The following FAT3 variants were observed in gnomAD, a reference collection of about 807,000 sequenced individuals.
The protein encoded by FAT3 is FAT atypical cadherin 3.
FAT3 carries 95 observed loss-of-function variants against 310.2 expected under a neutral mutation model. The observed-to-expected ratio is 0.31, with a 90% confidence interval of 0.26 to 0.36. The LOEUF (loss-of-function observed/expected upper bound fraction) is 0.36, where lower values mean the gene tolerates loss of function less well. Among genes scored for constraint, FAT3 ranks in the 10% least tolerant of loss-of-function variants. The pLI, the probability that FAT3 is intolerant of heterozygous loss-of-function variation, is 1.00. For missense variants in FAT3, 5,408 were observed against 5,715.6 expected, an observed-to-expected ratio of 0.95 and a Z score of 1.74; for synonymous variants, 2,314 against 2,192.9, an observed-to-expected ratio of 1.06 and a Z score of -1.54.
intron 1 of FAT3, among the ~76,000 whole-genome samples, chr11:92,287,222 T>A (rs1485348147): frequency 2.6e-5 from 4 of 152,286 alleles, no homozygotes; most frequent in Admixed American, 6.5e-5. Context: ...AGCTTTTTTT[T>A]ATAAAACAAA....
chr11:92,407,419 A>G (rs1283545359), intron 2 of FAT3, among the ~76,000 whole-genome samples: 2 of 152,176 alleles, frequency 1.3e-5, no homozygotes, highest in Admixed American at 6.5e-5. Flanking sequence ...ACAACATAGT[A>G]AGTGTTCTAT....
chr11:92,229,127 A>G (rs1336839999), intron 1 of FAT3, among the ~76,000 whole-genome samples: 1 of 152,216 alleles, frequency 6.6e-6, no homozygotes, highest in African/African-American at 2.4e-5. Flanking sequence ...TCTGATTTCT[A>G]CAGATATGCA....
chr11:92,791,864 C>T (rs1234283318), intron 8 of FAT3, among the ~76,000 whole-genome samples: 1 of 152,084 alleles, frequency 6.6e-6, no homozygotes, highest in African/African-American at 2.4e-5. Flanking sequence ...TTTAAAACTG[C>T]CAAGCAAGGT....
intron 3 of FAT3, among the ~76,000 whole-genome samples, chr11:92,599,830 AG>A (rs1365004898): frequency 1.3e-5 from 2 of 152,220 alleles, no homozygotes; most frequent in Admixed American, 1.3e-4. Context: ...TTAGGAGCTT[AG>A]ACTTCAAAGT....
Position 92,836,572 on chromosome 11 carries a change from G to A in FAT3, c.10093G>A (p.Ala3365Thr). 6.2e-7 allele frequency: 1 copy of A among 1,612,780 alleles called. No individual in the cohort carries two copies. The highest frequency in any genetic ancestry group is 8.5e-7 in the Non-Finnish European group (1 of 1,179,526). Residue 3365 changes from alanine to threonine, a missense_variant, in exon 16 of 28, where the codon GCA becomes ACA. Coordinates refer to ENST00000525166, the MANE Select transcript of FAT3 (RefSeq NM_001367949.2). ...TTGCTTGTTTTCCATGAAGCTAATA[G>A]CAGAAGATGTAGACAGCCAGCCCAA... The part of the protein sequence containing the change: ...LVGDSVILLI[A>T]EDVDSQPNGQ...
At chr11:92,808,794 C>T (rs1456202815) in intron 12 of FAT3, among the ~76,000 whole-genome samples, 5 of 151,956 alleles carry the variant, frequency 3.3e-5, no homozygotes, top group African/African-American at 7.3e-5. Flanking sequence ...GGCATGGTGG[C>T]GGGCACCTGT....
chr11:92,602,077 A>T (rs956070505), intron 3 of FAT3, among the ~76,000 whole-genome samples: 2 of 145,988 alleles, frequency 1.4e-5, no homozygotes, highest in Non-Finnish European at 3.0e-5. Flanking sequence ...ACCTTAATTA[A>T]TTTTTTTTTT....
In FAT3 at chr11:92,352,143, A is replaced by C. The variant is rs1450695581; in HGVS notation, c.31A>C (p.Thr11Pro). The C allele has an allele frequency of 5.9e-6, 8 of 1,365,242 alleles. No homozygotes were observed. Among genetic ancestry groups the C allele is most frequent in the Non-Finnish European group, 7.8e-6 (8 of 1,020,916 alleles). 84.6% of individuals were successfully genotyped at this position (1,365,242 alleles called of 1,614,324 possible). A position where few individuals can be genotyped will look rare whatever the true frequency, so the allele number is the denominator to read the frequency against. The change falls in exon 2 of 28, where the codon ACA becomes CCA. Residue 11 changes from threonine (T) to proline (P), a missense_variant. This residue lies in a region of FAT3 where 152 missense variants were observed against 188.3 expected (regional missense o/e 0.81). Coordinates refer to ENST00000525166, the MANE Select transcript of FAT3 (RefSeq NM_001367949.2). MDIIMGHCVG[T>P]RPPACCLILL... ...TATAATTATGGGACACTGTGTGGGC[A>C]CACGGCCTCCTGCTTGTTGCCTCAT...
At chr11:92,369,839 C>A (rs1949137693) in intron 2 of FAT3, among the ~76,000 whole-genome samples, 1 of 151,690 alleles carries the variant, frequency 6.6e-6, no homozygotes, top group African/African-American at 2.4e-5. Flanking sequence ...GAGCAAAACT[C>A]TGTCTCAAAA....
At chr11:92,698,746 G>A (rs1231154033) in intron 4 of FAT3, among the ~76,000 whole-genome samples, 1 of 151,958 alleles carries the variant, frequency 6.6e-6, no homozygotes, top group Non-Finnish European at 1.5e-5. Context: ...GTACCTACCT[G>A]GTCCAGAACT....
At position 92,790,154 on chromosome 11, in the gene FAT3, G is replaced by C. The variant is rs760813357; in HGVS notation, c.4547G>C (p.Gly1516Ala). ...AAATTCCGGATTGACCCTAGCACTG[G>C]CGTGCTCTATACTGCCGAGAGGCTG... Reference protein sequence around the residue: ...MRKFRIDPSTGVLYTAERLDH... With the variant: ...MRKFRIDPSTAVLYTAERLDH... Residue 1516 changes from glycine to alanine, a missense_variant, in exon 8 of 28, where the codon GGC (glycine) becomes GCC (alanine). Physicochemically the swap from Gly to Ala is moderately conservative, Grantham distance 60. This residue lies in a region of FAT3 where 4,588 missense variants were observed against 4,809.8 expected (regional missense o/e 0.95). Transcript: ENST00000525166. 1.2e-6 allele frequency: 2 copies of C among 1,613,584 alleles called. No homozygotes were observed. The highest frequency in any genetic ancestry group is 3.3e-5 in the Admixed American group (2 of 59,980).
At chr11:92,621,253 TTGATCAA>T (rs891569174) in intron 3 of FAT3, among the ~76,000 whole-genome samples, 7 of 152,232 alleles carry the variant, frequency 4.6e-5, no homozygotes, top group African/African-American at 1.7e-4. Flanking sequence ...ATGCTCTGGG[TTGATCAA>T]TGAATCAAGA....
chr11:92,642,561 G>A (rs1336980694), intron 3 of FAT3, among the ~76,000 whole-genome samples: 2 of 152,214 alleles, frequency 1.3e-5, no homozygotes, highest in African/African-American at 4.8e-5. Flanking sequence ...AGCAAGAAAT[G>A]CTTATGAAAA....
Position 92,412,752 on chromosome 11 carries a change from C to CACACACATATATATATATATATAT in FAT3, c.3292+57349_3292+57350insCACACATATATATATATATATATA, listed in dbSNP as rs1565296555. The stretch of plus-strand genomic sequence containing the variant: ...ATATATATATATATATATAAATATA[C>CACACACATATATATATATATATAT]ATACATATATATATATTTAATGTAA... On this transcript the variant is annotated intron_variant, in intron 2 of 27. Transcript: ENST00000525166. 5.4e-4 allele frequency among the ~76,000 whole-genome samples: 13 copies of CACACACATATATATATATATATAT among 24,290 alleles called. 1 individual carries two copies. The highest frequency in any genetic ancestry group is 9.4e-4 in the Non-Finnish European group (10 of 10,650). The allele number at this position is 24,290 out of a possible 152,430, so 15.9% of individuals were successfully genotyped here. A position where few individuals can be genotyped will look rare whatever the true frequency, so the allele number is the denominator to read the frequency against.
chr11:92,780,102 C>T (rs919761121), intron 7 of FAT3, among the ~76,000 whole-genome samples: 3 of 152,020 alleles, frequency 2.0e-5, no homozygotes, highest in African/African-American at 4.8e-5. Context: ...GAGTCCTCAC[C>T]TACACAACTA....
At chr11:92,589,482 T>C (rs1039536170) in intron 3 of FAT3, among the ~76,000 whole-genome samples, 77 of 152,192 alleles carry the variant, frequency 5.1e-4, no homozygotes, top group African/African-American at 1.8e-3. Flanking sequence ...TATGAAGAAA[T>C]AGAGCAAATT....
chr11:92,674,616 G>A (rs568487553), intron 3 of FAT3, among the ~76,000 whole-genome samples: 2 of 152,080 alleles, frequency 1.3e-5, no homozygotes, highest in Admixed American at 1.3e-4. Flanking sequence ...TTGAACTCCA[G>A]GGCTCAAGTG....
At chr11:92,768,368 A>G (rs1443630576) in intron 6 of FAT3, among the ~76,000 whole-genome samples, 1 of 152,190 alleles carries the variant, frequency 6.6e-6, no homozygotes, top group African/African-American at 2.4e-5. Context: ...TTGAAACACC[A>G]AATCTTTATT....
chr11:92,831,067 G>A lies in FAT3; in HGVS notation c.9482-555G>A, dbSNP rs149062793. Among the ~76,000 whole-genome samples the A allele has an allele frequency of 3.3e-5, 5 of 152,250 alleles. No homozygotes were observed. In the East Asian group the frequency reaches 9.7e-4, roughly 30 times the overall value. ...TCCATCTGTTCAGGAGCAGAAGCCA[G>A]AGGGATCCTGTTAAAATCTACATCA... On this transcript the variant is annotated intron_variant, in intron 13 of 27. Coordinates refer to ENST00000525166, the MANE Select transcript of FAT3 (RefSeq NM_001367949.2).
Sources: gnomAD v4.1 joint callset for allele counts (sites outside exome capture counted in the v4.1 genomes callset) on GRCh38, gnomAD v4.1.1 for gene constraint, gnomAD v4.1.1 regional missense constraint, MANE v1.5 for transcripts, NCBI Gene and HGNC (gene_info 2026-07-23, HGNC 2026-07-21) for gene names.